The following EHBP1 variants were observed in gnomAD, a reference collection of about 807,000 sequenced individuals.
The protein encoded by EHBP1 is EH domain binding protein 1.
In EHBP1, 55 loss-of-function variants were observed where a neutral mutation model predicts 144.0. The ratio of observed to expected loss-of-function variants is 0.38; its 90% CI spans 0.31 to 0.48. The LOEUF (loss-of-function observed/expected upper bound fraction) is 0.48, where lower values mean the gene tolerates loss of function less well. EHBP1 is among the 20% of genes least tolerant of loss of function. The pLI is 0.98. For synonymous variants in EHBP1, 469 were observed against 472.7 expected, an observed-to-expected ratio of 0.99 and a Z score of 0.10; for missense variants, 1,200 against 1,364.2, an observed-to-expected ratio of 0.88 and a Z score of 1.90.
chr2:62,726,916 G>A (rs1412909355), intron 2 of EHBP1, among the ~76,000 whole-genome samples: 5 of 151,756 alleles, frequency 3.3e-5, no homozygotes, highest in African/African-American at 9.7e-5. Flanking sequence ...AGGCTGGAGT[G>A]CAGTGGTGCG....
chr2:62,974,992 G>C (rs1401069934), intron 14 of EHBP1, among the ~76,000 whole-genome samples: 1 of 152,148 alleles, frequency 6.6e-6, no homozygotes, highest in Non-Finnish European at 1.5e-5. Context: ...GGCACAGTGG[G>C]CATGCTTTGT....
chr2:62,879,104 AAAC>A (rs975620487), intron 10 of EHBP1, among the ~76,000 whole-genome samples: 1 of 152,180 alleles, frequency 6.6e-6, no homozygotes, highest in African/African-American at 2.4e-5. Flanking sequence ...TTCATGTTAA[AAAC>A]CCTTAACAAA....
At chr2:63,035,391 T>C (rs901543913) in intron 19 of EHBP1, among the ~76,000 whole-genome samples, 1 of 152,052 alleles carries the variant, frequency 6.6e-6, no homozygotes, top group African/African-American at 2.4e-5. Flanking sequence ...TCTTTTGTTA[T>C]TAGTCATTTC....
intron 19 of EHBP1, among the ~76,000 whole-genome samples, chr2:63,015,733 A>T (rs1366245090): frequency 2.0e-5 from 3 of 152,214 alleles, no homozygotes; most frequent in Admixed American, 6.5e-5. Flanking sequence ...AAATATATAC[A>T]TTAAACTAAG....
chr2:62,729,522 A>T (rs2037256927), intron 2 of EHBP1, among the ~76,000 whole-genome samples: 1 of 122,984 alleles, frequency 8.1e-6, no homozygotes. Flanking sequence ...TAAAATAAAT[A>T]AATATAATAT....
intron 6 of EHBP1, among the ~76,000 whole-genome samples, chr2:62,829,953 G>A (rs2046679668): frequency 6.6e-6 from 1 of 150,790 alleles, no homozygotes; most frequent in Non-Finnish European, 1.5e-5. Flanking sequence ...GAGTTAAAAA[G>A]TAGAACTACC....
chr2:62,936,241 G>A (rs558887939), intron 10 of EHBP1, among the ~76,000 whole-genome samples: 3 of 152,118 alleles, frequency 2.0e-5, no homozygotes, highest in Non-Finnish European at 4.4e-5. Flanking sequence ...AATATTCTTT[G>A]TGAGAAGGTT....
chr2:62,985,910 A>G lies in EHBP1; in HGVS notation c.2609-4806A>G, dbSNP rs191823304. Among the ~76,000 whole-genome samples, 377 of 152,328 alleles carry G rather than the reference A, an allele frequency of 2.5e-3. 1 individual carries two copies. Among genetic ancestry groups the G allele is most frequent in the Middle Eastern group, 0.01 (3 of 294 alleles). ...CCCTTGAATATGCCTTTAAGGTAGA[A>G]TAAATGTCTCATACAACTTGGTATC... On this transcript the variant is annotated intron_variant, in intron 15 of 22. Coordinates refer to ENST00000431489, the MANE Select transcript of EHBP1 (RefSeq NM_001142616.3).
intron 8 of EHBP1, among the ~76,000 whole-genome samples, chr2:62,862,960 T>C (rs1474403906): frequency 6.6e-6 from 1 of 152,120 alleles, no homozygotes; most frequent in Non-Finnish European, 1.5e-5. Context: ...TATAGTGGTT[T>C]TGTATTTTGA....
At chr2:62,907,609 G>A (rs2053904609) in intron 10 of EHBP1, among the ~76,000 whole-genome samples, 1 of 152,140 alleles carries the variant, frequency 6.6e-6, no homozygotes, top group Non-Finnish European at 1.5e-5. Flanking sequence ...CTCTTACAAG[G>A]ACACTAATCC....
chr2:62,881,458 AGGAAGGGGAAGGAGAAGG>A (rs952748458), intron 10 of EHBP1, among the ~76,000 whole-genome samples: 1 of 151,092 alleles, frequency 6.6e-6, no homozygotes, highest in Non-Finnish European at 1.5e-5. Flanking sequence ...GGAAAGGGAA[AGGAAGGGGAAGGAGAAGG>A]GGAAGGGGAA....
chr2:62,785,801 A>G (rs1012848470), intron 5 of EHBP1, among the ~76,000 whole-genome samples: 39 of 152,114 alleles, frequency 2.6e-4, no homozygotes, highest in African/African-American at 9.2e-4. Flanking sequence ...CTTTCTGCTT[A>G]TGCTGTAAAC....
At chr2:62,945,588 A>C (rs1303504058) in intron 12 of EHBP1, among the ~76,000 whole-genome samples, 8 of 152,164 alleles carry the variant, frequency 5.3e-5, no homozygotes, top group Non-Finnish European at 5.9e-5. Context: ...CATCTCTACA[A>C]AAAATGAAAA....
intron 9 of EHBP1, among the ~76,000 whole-genome samples, chr2:62,867,460 T>C (rs563665270): frequency 6.6e-6 from 1 of 152,024 alleles, no homozygotes; most frequent in Non-Finnish European, 1.5e-5. Context: ...GAAATCAATA[T>C]TGAAAAAAAT....
At chr2:62,938,254 A>G (rs996358684) in intron 10 of EHBP1, among the ~76,000 whole-genome samples, 1 of 152,258 alleles carries the variant, frequency 6.6e-6, no homozygotes, top group Non-Finnish European at 1.5e-5. Context: ...AGTTTGAACT[A>G]TAAATATTTG....
At chr2:62,955,236 T>A (rs1200342861) in intron 13 of EHBP1, among the ~76,000 whole-genome samples, 1 of 152,146 alleles carries the variant, frequency 6.6e-6, no homozygotes, top group Non-Finnish European at 1.5e-5. Context: ...ATATATAGAA[T>A]ATATATTAGC....
intron 7 of EHBP1, among the ~76,000 whole-genome samples, chr2:62,846,000 C>T (rs2048266955): frequency 6.6e-6 from 1 of 152,072 alleles, no homozygotes; most frequent in East Asian, 1.9e-4. Flanking sequence ...GTTTGAAACC[C>T]TAGGATGAGA....
chr2:62,900,734 G>A (rs906736530), intron 10 of EHBP1, among the ~76,000 whole-genome samples: 1 of 144,984 alleles, frequency 6.9e-6, no homozygotes, highest in Admixed American at 6.7e-5. Context: ...CTTAAGTTTT[G>A]TCTATCAAGA....
intron 14 of EHBP1, among the ~76,000 whole-genome samples, chr2:62,977,360 A>G (rs970501650): frequency 4.0e-5 from 6 of 151,860 alleles, no homozygotes; most frequent in Admixed American, 3.9e-4. Context: ...ATTTCCCCGT[A>G]TACTTTCTTG....
Sources: allele counts gnomAD v4.1 joint callset (sites outside exome capture counted in the v4.1 genomes callset), GRCh38; gene constraint gnomAD v4.1.1; transcripts MANE v1.5; gene names NCBI Gene and HGNC (gene_info 2026-07-23, HGNC 2026-07-21).